Variants in CACNA1B observed in about 807,000 individuals in gnomAD.
CACNA1B encodes calcium voltage-gated channel subunit alpha1 B, also known as voltage-dependent N-type calcium channel subunit alpha-1B.
CACNA1B carries 70 observed loss-of-function variants against 247.2 expected under a neutral mutation model. The observed-to-expected ratio is 0.28, with a 90% CI of 0.23 to 0.35. The LOEUF is 0.35. Ranked by LOEUF, CACNA1B falls within the 10% of genes least tolerant of loss-of-function variation. The pLI is 1.00. For synonymous variants in CACNA1B, 1,231 were observed against 1,294.4 expected, an observed-to-expected ratio of 0.95 and a Z score of 1.05; for missense variants, 2,367 against 3,197.4, an observed-to-expected ratio of 0.74 and a Z score of 6.26.
intron 32 of CACNA1B, among the ~76,000 whole-genome samples, chr9:138,070,472 C>T (rs1960087038): frequency 6.6e-6 from 1 of 152,224 alleles, no homozygotes; most frequent in South Asian, 2.1e-4. Context: ...GAGTGCAGGT[C>T]CAACCGGAGC....
At position 138,043,776 on chromosome 9, in the gene CACNA1B, G is replaced by A; in HGVS notation, c.3289G>A (p.Gly1097Ser). The change falls in exon 21 of 47, where the codon GGT (glycine) becomes AGT (serine). Residue 1097 changes from glycine (G) to serine (S), a missense_variant and splice_region_variant. By Grantham distance (56) the Gly-to-Ser change is moderately conservative. Around this residue, in one of 12 missense-constraint regions of CACNA1B, gnomAD observed 631 missense variants for 631.1 expected, o/e 1.00. Transcript: ENST00000371372. Reference protein sequence around the residue: ...PLGEATVVPSGNVDLESQAEG... With the variant: ...PLGEATVVPSSNVDLESQAEG... ...TCGGGGGCCCTGTGTCCTTGTAGGT[G>A]GTAACGTGGACCTGGAAAGCCAAGC... The A allele has an allele frequency of 1.9e-6, 3 of 1,613,890 alleles. No individual in the cohort carries two copies. Among genetic ancestry groups the A allele is most frequent in the Non-Finnish European group, 2.5e-6 (3 of 1,179,838 alleles).
chr9:137,939,912 T>C (rs1271115287), intron 6 of CACNA1B, among the ~76,000 whole-genome samples: 1 of 151,990 alleles, frequency 6.6e-6, no homozygotes, highest in African/African-American at 2.4e-5. Flanking sequence ...ACCTCTGGAA[T>C]ACAGCAAAGG....
intron 36 of CACNA1B, among the ~76,000 whole-genome samples, chr9:138,090,701 CAAAAAAAAAAAA>C (rs1173964720): frequency 2.5e-3 from 41 of 16,600 alleles, no homozygotes; most frequent in South Asian, 0.011. Flanking sequence ...AACCCATCAG[CAAAAAAAAAAAA>C]AAAAAAAAAA....
At chr9:137,916,593 C>A (rs1175136444) in intron 5 of CACNA1B, among the ~76,000 whole-genome samples, 1 of 152,252 alleles carries the variant, frequency 6.6e-6, no homozygotes, top group Non-Finnish European at 1.5e-5. Flanking sequence ...GGTTCCAGAT[C>A]ATCCTGCCTG....
chr9:137,965,235 T>G (rs1958060867), intron 10 of CACNA1B, among the ~76,000 whole-genome samples: 1 of 152,234 alleles, frequency 6.6e-6, no homozygotes, highest in Admixed American at 6.5e-5. Context: ...CTGTGCTGTT[T>G]TGGAGATGCC....
At chr9:137,922,392 C>CG (rs536048256) in intron 6 of CACNA1B, among the ~76,000 whole-genome samples, 4 of 149,820 alleles carry the variant, frequency 2.7e-5, no homozygotes, top group Non-Finnish European at 5.9e-5. Context: ...ATCAACACCA[C>CG]ACCACACAGC....
At chr9:138,112,941 C>G (rs1312147655) in intron 40 of CACNA1B, among the ~76,000 whole-genome samples, 4 of 147,500 alleles carry the variant, frequency 2.7e-5, no homozygotes, top group South Asian at 2.2e-4. Context: ...AAGTGCCCAA[C>G]TCCATCTTGG....
chr9:138,090,252 G>A (rs1396160276), intron 36 of CACNA1B, among the ~76,000 whole-genome samples: 1 of 152,060 alleles, frequency 6.6e-6, no homozygotes, highest in Non-Finnish European at 1.5e-5. Flanking sequence ...ATAAGTATTT[G>A]TATTTACAGC....
intron 39 of CACNA1B, among the ~76,000 whole-genome samples, 193 bp downstream of exon 39, chr9:138,106,000 C>T (rs920254562): frequency 6.6e-6 from 1 of 152,172 alleles, no homozygotes; most frequent in African/African-American, 2.4e-5. Context: ...TGCACATTAG[C>T]ACTGCAATGA....
Position 138,058,191 on chromosome 9 carries a change from A to G in CACNA1B, c.4249A>G (p.Ile1417Val). 1.2e-6 allele frequency: 2 copies of G among 1,614,006 alleles called. No homozygotes were observed. Among genetic ancestry groups the G allele is most frequent in the Admixed American group, 3.3e-5 (2 of 60,030 alleles). Residue 1417 changes from isoleucine (I) to valine (V), a missense_variant, in exon 28 of 47, where the codon ATC becomes GTC. By Grantham distance (29) the Ile-to-Val change is conservative. Around this residue, in one of 12 missense-constraint regions of CACNA1B, gnomAD observed 436 missense variants for 679.5 expected, o/e 0.64. Transcript: ENST00000371372. The surrounding 1 kb of genome is among the most constrained non-coding windows in gnomAD (Gnocchi z 4.7). ...CAACATCTTTGTGGCTTTGATCATC[A>G]TCACCTTCCAGGAGCAGGGGGACAA... ...FVNIFVALII[I>V]TFQEQGDKVM...
At chr9:137,991,308 A>T (rs1301128122) in intron 15 of CACNA1B, among the ~76,000 whole-genome samples, 3 of 152,244 alleles carry the variant, frequency 2.0e-5, no homozygotes, top group African/African-American at 7.2e-5. Context: ...CAGCAATAGA[A>T]TCGAACAAGC....
intron 6 of CACNA1B, among the ~76,000 whole-genome samples, chr9:137,938,945 C>T (rs998365801): frequency 6.6e-6 from 1 of 152,078 alleles, no homozygotes; most frequent in Non-Finnish European, 1.5e-5. Context: ...GTGGCAGGCT[C>T]CTGTAATCTC....
At chr9:138,089,843 C>T (rs1960820310) in intron 36 of CACNA1B, among the ~76,000 whole-genome samples, 1 of 151,954 alleles carries the variant, frequency 6.6e-6, no homozygotes, top group African/African-American at 2.4e-5. Flanking sequence ...AACAAACTAG[C>T]AGAAAAGAAA....
In CACNA1B at chr9:138,073,735, A is replaced by G. The variant is rs901952874; in HGVS notation, c.4791+131A>G. 5 of 670,752 alleles carry G rather than the reference A, an allele frequency of 7.5e-6. No individual in the cohort carries two copies. Among genetic ancestry groups the G allele is most frequent in the African/African-American group, 7.2e-5 (4 of 55,770 alleles). The allele number at this position is 670,752 out of a possible 1,614,324, so 41.6% of individuals were successfully genotyped here. On this transcript the variant is annotated intron_variant, in intron 33 of 46. Transcript: ENST00000371372. This position sits in a 1 kb window ranked among gnomAD's most constrained non-coding sequence, Gnocchi z 6.4. The stretch of plus-strand genomic sequence containing the variant: ...GCATGCAGGTTTCGTGGTTGTATGC[A>G]TTGTCCTGTTGTCATTTATAAAGAC...
At chr9:138,040,555 A>G (rs770858097) in intron 20 of CACNA1B, 4 of 434,480 alleles carry the variant, frequency 9.2e-6, no homozygotes, top group African/African-American at 4.1e-5. Flanking sequence ...AGGTCCCACA[A>G]TAGGCCGTCT....
Position 137,913,070 on chromosome 9 carries a change from G to A in CACNA1B, c.531-110G>A. ...GGTTGGACAGTGGGGACACAGGAAT[G>A]AAGGTGTCACTGCTCTTGGGAGACA... On this transcript the variant is annotated intron_variant, in intron 3 of 46. Transcript: ENST00000371372. The surrounding 1 kb of genome is among the most constrained non-coding windows in gnomAD (Gnocchi z 5.2). 3 of 788,006 alleles carry A rather than the reference G, an allele frequency of 3.8e-6. No homozygotes were observed. The highest frequency in any genetic ancestry group is 2.3e-4 in the Middle Eastern group (1 of 4,324). 48.8% of individuals were successfully genotyped at this position (788,006 alleles called of 1,614,324 possible).
intron 39 of CACNA1B, among the ~76,000 whole-genome samples, chr9:138,111,333 C>T (rs946130958): frequency 6.6e-6 from 1 of 152,242 alleles, no homozygotes; most frequent in Non-Finnish European, 1.5e-5. Context: ...AAACACGCTA[C>T]AGTTGCGTGT....
At chr9:137,945,914 G>A (rs1422387665) in intron 6 of CACNA1B, among the ~76,000 whole-genome samples, 1 of 152,134 alleles carries the variant, frequency 6.6e-6, no homozygotes, top group Admixed American at 6.5e-5. Flanking sequence ...CGCCTTCCAG[G>A]TTCAAGCAAT....
chr9:138,117,227 C>T (rs1404312268), intron 42 of CACNA1B, among the ~76,000 whole-genome samples: 1 of 152,130 alleles, frequency 6.6e-6, no homozygotes, highest in African/African-American at 2.4e-5. Context: ...GGGGTGGCCT[C>T]CGCCAGAAGG....
Sources: gnomAD v4.1 joint callset for allele counts (sites outside exome capture counted in the v4.1 genomes callset) on GRCh38, gnomAD v4.1.1 for gene constraint, gnomAD v4.1.1 regional missense constraint, Gnocchi (gnomAD v3.1) non-coding constraint, MANE v1.5 for transcripts, NCBI Gene and HGNC (gene_info 2026-07-23, HGNC 2026-07-21) for gene names.